Variants in APBB2 observed in about 807,000 individuals in gnomAD.
The protein encoded by APBB2 is Fe65-like 1.
Under a neutral mutation model 82.5 loss-of-function variants are expected in APBB2, and 38 were observed. The observed-to-expected ratio is 0.46, with a 90% CI of 0.36 to 0.60. APBB2 has a LOEUF of 0.60. Ranked by LOEUF, APBB2 falls within the 20% of genes least tolerant of loss-of-function variation. The pLI, the probability that APBB2 is intolerant of heterozygous loss-of-function variation, is 0.00. For missense variants in APBB2, 772 were observed against 972.3 expected (o/e 0.79, Z 2.74); for synonymous variants, 341 against 368.2 (o/e 0.93, Z 0.85).
chr4:40,844,388 G>C (rs1204985272), intron 12 of APBB2, among the ~76,000 whole-genome samples: 5 of 152,218 alleles, frequency 3.3e-5, no homozygotes, highest in Admixed American at 2.0e-4. Context: ...CACGTGTATG[G>C]GAGTGCTGGG....
chr4:41,018,676 A>T (rs1468663574), intron 5 of APBB2, among the ~76,000 whole-genome samples: 1 of 152,210 alleles, frequency 6.6e-6, no homozygotes, highest in Non-Finnish European at 1.5e-5. Flanking sequence ...AAAAGACATT[A>T]AAGAAGTAAT....
intron 6 of APBB2, among the ~76,000 whole-genome samples, chr4:40,946,254 A>AAAAAAAACAAAAAAAAC (rs1553875174): frequency 2.6e-5 from 3 of 114,560 alleles, no homozygotes; most frequent in Non-Finnish European, 5.5e-5. Context: ...AAAAAAAAAA[A>AAAAAAAACAAAAAAAAC]CATTCCCAAG....
At chr4:41,189,427 G>A (rs1469962257) in intron 1 of APBB2, among the ~76,000 whole-genome samples, 1 of 152,094 alleles carries the variant, frequency 6.6e-6, no homozygotes, top group Non-Finnish European at 1.5e-5. Flanking sequence ...TGGCTAAACA[G>A]TTGCATATAT....
chr4:40,879,065 T>G (rs1767656402), intron 12 of APBB2, among the ~76,000 whole-genome samples: 1 of 152,038 alleles, frequency 6.6e-6, no homozygotes, highest in Non-Finnish European at 1.5e-5. Context: ...AGAACAGAAT[T>G]CCCAGTTGAA....
chr4:41,142,385 A>AT (rs76154131), intron 2 of APBB2, among the ~76,000 whole-genome samples: 7,765 of 152,290 alleles, frequency 0.051, 428 homozygotes, highest in African/African-American at 0.13. Context: ...TTTTCAGGAC[A>AT]TTCTCTTCCC....
intron 1 of APBB2, among the ~76,000 whole-genome samples, chr4:41,187,713 GTTA>G (rs1773272176): frequency 6.6e-6 from 1 of 152,144 alleles, no homozygotes; most frequent in Non-Finnish European, 1.5e-5. Flanking sequence ...CCAACCAAGA[GTTA>G]TTTATTATTA....
chr4:40,943,708 C>G (rs1787623040), intron 7 of APBB2, among the ~76,000 whole-genome samples: 1 of 152,166 alleles, frequency 6.6e-6, no homozygotes. Context: ...TAAAACTGCC[C>G]AGTGATAAGC....
chr4:40,930,420 AGTGTGTGT>A lies in APBB2; in HGVS notation c.1254+4028_1254+4035del, dbSNP rs566261600. Among the ~76,000 whole-genome samples, 613 of 145,886 alleles carry A rather than the reference AGTGTGTGT, an allele frequency of 4.2e-3. 7 individuals are homozygous for A. Among genetic ancestry groups the A allele is most frequent in the African/African-American group, 0.014 (544 of 39,316 alleles). ...AGAAAAAGACTTTGCTCTTTGGGGA[AGTGTGTGT>A]GTGTGTGTGTGTGTGTGTGTGCGCG... On this transcript the variant is annotated intron_variant, in intron 10 of 17. Transcript: ENST00000508593.
intron 2 of APBB2, among the ~76,000 whole-genome samples, chr4:41,131,075 A>G (rs1046361030): frequency 6.6e-6 from 1 of 152,194 alleles, no homozygotes; most frequent in Non-Finnish European, 1.5e-5. Flanking sequence ...TTAATTTTTT[A>G]ATGTGTTTCC....
At position 41,206,469 on chromosome 4, in the gene APBB2, G is replaced by A. The variant is rs116571513; in HGVS notation, c.-417+7936C>T. Among the ~76,000 whole-genome samples the A allele has an allele frequency of 1.8e-3, 267 of 152,298 alleles. 1 individual carries two copies. Among genetic ancestry groups the A allele is most frequent in the African/African-American group, 6.1e-3 (252 of 41,558 alleles). On this transcript the variant is annotated intron_variant, in intron 1 of 17. Transcript: ENST00000508593. The stretch of plus-strand genomic sequence containing the variant: ...AACAAAGGAAGGAACAAATGAAGCC[G>A]AGGTTTCTGGATGTCACCAAATGAA...
At chr4:41,037,597 C>T (rs1579448286) in intron 4 of APBB2, among the ~76,000 whole-genome samples, 1 of 152,192 alleles carries the variant, frequency 6.6e-6, no homozygotes, top group African/African-American at 2.4e-5. Context: ...CCCTGGTCTC[C>T]ACCCGAAAAA....
At chr4:41,197,274 T>C in intron 1 of APBB2, among the ~76,000 whole-genome samples, 1 of 152,200 alleles carries the variant, frequency 6.6e-6, no homozygotes, top group Non-Finnish European at 1.5e-5. Flanking sequence ...AGAGAGTATA[T>C]GGGCTCAGGG....
intron 1 of APBB2, among the ~76,000 whole-genome samples, chr4:41,189,674 C>T (rs997963717): frequency 6.6e-5 from 10 of 152,214 alleles, no homozygotes; most frequent in Non-Finnish European, 1.3e-4. Context: ...GTATACTTCT[C>T]TCTCCTGAGG....
intron 1 of APBB2, among the ~76,000 whole-genome samples, chr4:41,195,932 G>A: frequency 1.3e-5 from 2 of 152,138 alleles, no homozygotes; most frequent in East Asian, 1.9e-4. Context: ...AGGCCAAGGC[G>A]GGCAGATCAC....
rs1560448627 is a variant in APBB2, at chr4:40,982,376, AAGGAAGG to A, written c.835+31200_835+31206del. Among the ~76,000 whole-genome samples, 24 of 15,542 alleles carry A rather than the reference AAGGAAGG, an allele frequency of 1.5e-3. 1 individual carries two copies. The highest frequency in any genetic ancestry group is 7.7e-3 in the East Asian group (2 of 260). The allele number at this position is 15,542 out of a possible 152,430, so 10.2% of individuals were successfully genotyped here. A position where few individuals can be genotyped will look rare whatever the true frequency, so the allele number is the denominator to read the frequency against. On this transcript the variant is annotated intron_variant, in intron 6 of 17. Coordinates refer to ENST00000508593, the MANE Select transcript of APBB2 (RefSeq NM_004307.2). Reference sequence around the variant, plus strand: ...GAAGGAAGGAAGGAAGGAAGGAAGGAAGGAAGGAAGGAAGGAAAGGAAAGGAAAGAAA... The same window carrying A: ...GAAGGAAGGAAGGAAGGAAGGAAGGAAAGGAAGGAAAGGAAAGGAAAGAAA...
At chr4:41,112,921 A>G (rs537822487) in intron 2 of APBB2, among the ~76,000 whole-genome samples, 1 of 151,980 alleles carries the variant, frequency 6.6e-6, no homozygotes, top group African/African-American at 2.4e-5. Flanking sequence ...CAGGAGGCGG[A>G]GGTTGCAGTG....
At chr4:41,134,665 G>C (rs560094502) in intron 2 of APBB2, among the ~76,000 whole-genome samples, 2 of 152,160 alleles carry the variant, frequency 1.3e-5, no homozygotes, top group African/African-American at 4.8e-5. Flanking sequence ...CTAAAACTGG[G>C]TAACACTGTC....
At chr4:40,849,650 C>T (rs1015361484) in intron 12 of APBB2, among the ~76,000 whole-genome samples, 1 of 151,420 alleles carries the variant, frequency 6.6e-6, no homozygotes, top group African/African-American at 2.4e-5. Context: ...CTCAGAGGTA[C>T]TAGTGTATAA....
intron 4 of APBB2, among the ~76,000 whole-genome samples, chr4:41,040,477 C>T (rs1210157715): frequency 1.3e-5 from 2 of 152,142 alleles, no homozygotes; most frequent in Non-Finnish European, 2.9e-5. Flanking sequence ...TAACTGATCA[C>T]CTCCAGCAAC....
Sources: allele counts gnomAD v4.1 joint callset (sites outside exome capture counted in the v4.1 genomes callset), GRCh38; gene constraint gnomAD v4.1.1; transcripts MANE v1.5; gene names NCBI Gene and HGNC (gene_info 2026-07-23, HGNC 2026-07-21).